The following DOCK8 variants were observed in gnomAD, a reference collection of about 807,000 sequenced individuals.
DOCK8 encodes the protein dedicator of cytokinesis 8.
In DOCK8, 141 loss-of-function variants were observed where a neutral mutation model predicts 245.6. That is an observed-to-expected ratio of 0.57 (90% CI 0.50 to 0.66). The LOEUF is 0.66. Among genes scored for constraint, DOCK8 ranks in the 30% least tolerant of loss-of-function variants. DOCK8 has a pLI of 0.00. For synonymous variants in DOCK8, 1,168 were observed against 970.2 expected, an observed-to-expected ratio of 1.20 and a Z score of -3.79; for missense variants, 2,965 against 2,603.4, an observed-to-expected ratio of 1.14 and a Z score of -3.02.
intron 8 of DOCK8, among the ~76,000 whole-genome samples, chr9:327,392 C>CTTT (rs548852247): frequency 7.6e-6 from 1 of 131,794 alleles, no homozygotes; most frequent in Non-Finnish European, 1.6e-5. Flanking sequence ...TTTCCCTCAC[C>CTTT]TTTTTTTTTT....
At position 461,527 on chromosome 9, in the gene DOCK8, A is replaced by ATTTTTTT. The variant is rs530827485; in HGVS notation, c.6069-1967_6069-1961dup. Among the ~76,000 whole-genome samples the ATTTTTTT allele has an allele frequency of 2.5e-4, 17 of 67,286 alleles. 3 individuals are homozygous for ATTTTTTT. The highest frequency in any genetic ancestry group is 7.6e-4 in the African/African-American group (11 of 14,470). 44.1% of individuals were successfully genotyped at this position (67,286 alleles called of 152,430 possible). On this transcript the variant is annotated intron_variant, in intron 46 of 47. Transcript: ENST00000432829. ...GAGTTTTTTGTCTTTTAGCAACTGC[A>ATTTTTTT]TTTTTTTTTTTTTTTTTTTTTTTTT...
intron 6 of DOCK8, among the ~76,000 whole-genome samples, chr9:313,402 C>G (rs942739906): frequency 6.6e-6 from 1 of 152,322 alleles, no homozygotes; most frequent in African/African-American, 2.4e-5. Flanking sequence ...TGAATTTACT[C>G]CAGCTTTCTT....
At chr9:408,919 G>T (rs980010902) in intron 28 of DOCK8, among the ~76,000 whole-genome samples, 2 of 137,914 alleles carry the variant, frequency 1.5e-5, no homozygotes, top group Non-Finnish European at 3.2e-5. Context: ...CACACACACA[G>T]TACCCTTTCT....
chr9:325,722 TAAAG>T lies in DOCK8; in HGVS notation c.884_887del (p.Glu295GlyfsTer12). The T allele has an allele frequency of 6.2e-7, 1 of 1,613,974 alleles. No individual in the cohort carries two copies. The highest frequency in any genetic ancestry group is 8.5e-7 in the Non-Finnish European group (1 of 1,179,880). On this transcript the variant is annotated frameshift_variant, in exon 8 of 48. Transcript: ENST00000432829. LOFTEE classifies it high-confidence loss of function. ...TTGCCAGCATTGCCCTCTACGATGTTAAAGAAAGGAAAAAGGTAAGAAAGCAAAG... is the reference window on the plus strand; with the variant it reads ...TTGCCAGCATTGCCCTCTACGATGTTAAAGGAAAAAGGTAAGAAAGCAAAG...
chr9:373,751 T>G (rs545081641), intron 18 of DOCK8, among the ~76,000 whole-genome samples: 1 of 152,354 alleles, frequency 6.6e-6, no homozygotes, highest in South Asian at 2.1e-4. Flanking sequence ...CACAGGCATG[T>G]GTCTGGTAAA....
At chr9:400,130 CCATCACCACCACCTCCACCAT>C (rs1564012367) in intron 26 of DOCK8, among the ~76,000 whole-genome samples, 2 of 102,230 alleles carry the variant, frequency 2.0e-5, no homozygotes, top group Non-Finnish European at 3.7e-5. Context: ...AGCATCTTCA[CCATCACCACCACCTCCACCAT>C]CACCACCACC....
At chr9:226,473 G>A (rs1202271077) in intron 1 of DOCK8, among the ~76,000 whole-genome samples, 1 of 152,142 alleles carries the variant, frequency 6.6e-6, no homozygotes, top group Non-Finnish European at 1.5e-5. Flanking sequence ...AAGAAGCAAG[G>A]AAACCAGCTG....
chr9:281,151 G>A (rs1563869845), intron 2 of DOCK8, among the ~76,000 whole-genome samples: 1 of 152,096 alleles, frequency 6.6e-6, no homozygotes, highest in Non-Finnish European at 1.5e-5. Context: ...CTATTCAGGA[G>A]GCTGAGGCAC....
intron 26 of DOCK8, among the ~76,000 whole-genome samples, chr9:402,006 C>G (rs894712671): frequency 6.6e-6 from 1 of 152,150 alleles, no homozygotes; most frequent in Non-Finnish European, 1.5e-5. Flanking sequence ...CCTTGCCCTC[C>G]CTCTTCAGTA....
At chr9:231,078 A>T (rs966542434) in intron 1 of DOCK8, among the ~76,000 whole-genome samples, 49 of 152,154 alleles carry the variant, frequency 3.2e-4, no homozygotes, top group Non-Finnish European at 5.0e-4. Flanking sequence ...TACTTTTTGT[A>T]TAAGGTGTAA....
intron 22 of DOCK8, among the ~76,000 whole-genome samples, chr9:384,847 C>T (rs1489726842): frequency 5.3e-5 from 8 of 152,102 alleles, no homozygotes; most frequent in Non-Finnish European, 7.4e-5. Flanking sequence ...ACCCGGGAGG[C>T]GGAGCTTGCA....
At chr9:348,927 G>C (rs917057875) in intron 14 of DOCK8, among the ~76,000 whole-genome samples, 2 of 152,164 alleles carry the variant, frequency 1.3e-5, no homozygotes, top group Non-Finnish European at 2.9e-5. Context: ...TTCACTGAGA[G>C]TGTTTGGCCA....
At chr9:397,125 CAT>C (rs772525269) in intron 25 of DOCK8, among the ~76,000 whole-genome samples, 191 bp downstream of exon 25, 3 of 152,196 alleles carry the variant, frequency 2.0e-5, no homozygotes. Flanking sequence ...AAATTACACA[CAT>C]GAGGCCAGGG....
Position 271,483 on chromosome 9 carries a change from G to T in DOCK8, c.54-144G>T, listed in dbSNP as rs919464529. The stretch of plus-strand genomic sequence containing the variant: ...CAAAAACTACGATGTCCACTAACAG[G>T]CCACTGAAAAGGTATCTTAGTCAGT... On this transcript the variant is annotated intron_variant, in intron 1 of 47. Coordinates refer to ENST00000432829, the MANE Select transcript of DOCK8 (RefSeq NM_203447.4). 3 of 654,884 alleles carry T rather than the reference G, an allele frequency of 4.6e-6. No homozygotes were observed. The East Asian group carries it at 8.3e-5, about 18-fold the overall frequency. The allele number at this position is 654,884 out of a possible 1,614,324, so 40.6% of individuals were successfully genotyped here. A position where few individuals can be genotyped will look rare whatever the true frequency, so the allele number is the denominator to read the frequency against.
intron 1 of DOCK8, 148 bp downstream of exon 1, chr9:215,177 G>C (rs752551886): frequency 1.3e-6 from 2 of 1,508,568 alleles, no homozygotes; most frequent in South Asian, 1.2e-5. Context: ...GGTTCCCGAG[G>C]CTGCGGCGGT....
chr9:410,546 C>T (rs568702323), intron 28 of DOCK8, among the ~76,000 whole-genome samples: 1 of 152,298 alleles, frequency 6.6e-6, no homozygotes, highest in South Asian at 2.1e-4. Context: ...GACGTTAGAA[C>T]TCATTTCTTT....
At chr9:241,517 T>A (rs2047372416) in intron 1 of DOCK8, among the ~76,000 whole-genome samples, 1 of 152,196 alleles carries the variant, frequency 6.6e-6, no homozygotes, top group Non-Finnish European at 1.5e-5. Context: ...TCACTTGGTG[T>A]AATGTCCTCC....
At chr9:310,731 G>A (rs2050070303) in intron 5 of DOCK8, among the ~76,000 whole-genome samples, 1 of 152,210 alleles carries the variant, frequency 6.6e-6, no homozygotes, top group Non-Finnish European at 1.5e-5. Flanking sequence ...AAAGTGCTGG[G>A]ATTACAGGCA....
intron 44 of DOCK8, among the ~76,000 whole-genome samples, chr9:448,544 C>T (rs751815051): frequency 3.9e-5 from 6 of 152,214 alleles, no homozygotes; most frequent in African/African-American, 7.2e-5. Context: ...ATTCTAGAGG[C>T]TAGAAGTTTG....
Sources: allele counts gnomAD v4.1 joint callset (sites outside exome capture counted in the v4.1 genomes callset), GRCh38; gene constraint gnomAD v4.1.1; transcripts MANE v1.5; gene names NCBI Gene and HGNC (gene_info 2026-07-23, HGNC 2026-07-21).